Variants in ABHD17A observed in about 807,000 individuals in gnomAD.
ABHD17A encodes alpha/beta hydrolase domain-containing protein 17A.
ABHD17A carries 10 observed loss-of-function variants against 26.8 expected under a neutral mutation model. The ratio of observed to expected loss-of-function variants is 0.37; its 90% CI spans 0.23 to 0.63. ABHD17A has a LOEUF of 0.63. Ranked by LOEUF, ABHD17A falls within the 30% of genes least tolerant of loss-of-function variation. The probability of loss-of-function intolerance (pLI) is 0.61; values close to 1 mark genes in which losing one functional copy is unlikely to be tolerated. For synonymous variants in ABHD17A, 167 were observed against 210.9 expected, an observed-to-expected ratio of 0.79 and a Z score of 1.80; for missense variants, 292 against 457.3, an observed-to-expected ratio of 0.64 and a Z score of 3.30.
intron 1 of ABHD17A, chr19:1,883,145 C>G (rs1277556443): frequency 6.6e-6 from 1 of 152,252 alleles, no homozygotes; most frequent in Non-Finnish European, 1.5e-5. Flanking sequence ...ATCCCAGTGC[C>G]CCCAGACTCC....
chr19:1,880,757 C>T lies in ABHD17A; in HGVS notation c.332+478G>A. On this transcript the variant is annotated intron_variant, in intron 2 of 4. Coordinates refer to ENST00000292577, the MANE Select transcript of ABHD17A (RefSeq NM_001130111.2). This position sits in a 1 kb window ranked among gnomAD's most constrained non-coding sequence, Gnocchi z 4.1. ...GCCTGTCTGCTTCCCAGCACGGGAGCTGCCCCAGGTGGTGCCAGGAGCAGG... is the reference window on the plus strand; with the variant it reads ...GCCTGTCTGCTTCCCAGCACGGGAGTTGCCCCAGGTGGTGCCAGGAGCAGG... 3 of 1,269,032 alleles carry T rather than the reference C, an allele frequency of 2.4e-6. No individual in the cohort carries two copies. Among genetic ancestry groups the T allele is most frequent in the South Asian group, 1.5e-5 (1 of 68,210 alleles). 78.6% of individuals were successfully genotyped at this position (1,269,032 alleles called of 1,614,324 possible).
In ABHD17A at chr19:1,882,041, T is replaced by C. The variant is rs568085357; in HGVS notation, c.-238-237A>G. ...ACCCCCACCTTCCCTGAGCTGGCGATCACCACCTCTTGCCATGTGAGTACA... is the reference window on the plus strand; with the variant it reads ...ACCCCCACCTTCCCTGAGCTGGCGACCACCACCTCTTGCCATGTGAGTACA... On this transcript the variant is annotated intron_variant, in intron 1 of 4. Transcript: ENST00000292577. The C allele has an allele frequency of 5.6e-5, 9 of 159,676 alleles. No individual in the cohort carries two copies. The East Asian group carries it at 1.5e-3, about 27-fold the overall frequency. 9.9% of individuals were successfully genotyped at this position (159,676 alleles called of 1,614,324 possible). A position where few individuals can be genotyped will look rare whatever the true frequency, so the allele number is the denominator to read the frequency against.
intron 2 of ABHD17A, 166 bp downstream of exon 2, chr19:1,881,068 GA>G: frequency 1.3e-6 from 2 of 1,597,314 alleles, no homozygotes; most frequent in Non-Finnish European, 1.7e-6. Flanking sequence ...AAAATTGCCA[GA>G]GGGACGAGGC....
rs200474061 is a variant in ABHD17A at position 1,881,302 on chromosome 19, A to T, written c.265T>A (p.Phe89Ile). Residue 89 changes from phenylalanine (F) to isoleucine (I), a missense_variant, in exon 2 of 5, where the codon TTC becomes ATC. Phe to Ile is a conservative substitution (Grantham distance 21, BLOSUM62 0). Transcript: ENST00000292577. ...TTGCCGCGGGCGCTCTTGGTGGGGA[A>T]GACCTCGATGGTGTCCAGCTCGCGC... ...SQRELDTIEV[F>I]PTKSARGNRV... is the part of the protein sequence containing the mutation. 1.2e-6 allele frequency: 2 copies of T among 1,610,950 alleles called. No homozygotes were observed. The highest frequency in any genetic ancestry group is 3.3e-5 in the Admixed American group (2 of 60,012).
chr19:1,885,120 G>A lies in ABHD17A; in HGVS notation c.-239+232C>T, dbSNP rs2012643327. 2.0e-5 allele frequency among the ~76,000 whole-genome samples: 3 copies of A among 152,212 alleles called. 1 individual carries two copies. Among genetic ancestry groups the A allele is most frequent in the African/African-American group, 4.8e-5 (2 of 41,456 alleles). On this transcript the variant is annotated intron_variant, in intron 1 of 4. Transcript: ENST00000292577. Reference sequence around the variant, plus strand: ...CCGAAGGCAAGGGCCGCGTCCGCAGGAGGGTGGGAGCGCAACCCACGCCGG... The same window carrying A: ...CCGAAGGCAAGGGCCGCGTCCGCAGAAGGGTGGGAGCGCAACCCACGCCGG...
In ABHD17A at chr19:1,880,841, C is replaced by T. The variant is rs1404077128; in HGVS notation, c.332+394G>A. On this transcript the variant is annotated intron_variant, in intron 2 of 4. Transcript: ENST00000292577. This position sits in a 1 kb window ranked among gnomAD's most constrained non-coding sequence, Gnocchi z 4.1. Reference sequence around the variant, plus strand: ...CCAGTTCCCCCAGGCCCCCACCTAGCCCAGCCAGAAGGTAAAGGCTCGCCC... The same window carrying T: ...CCAGTTCCCCCAGGCCCCCACCTAGTCCAGCCAGAAGGTAAAGGCTCGCCC... 7.5e-6 allele frequency: 12 copies of T among 1,605,068 alleles called. No individual in the cohort carries two copies. Among genetic ancestry groups the T allele is most frequent in the Admixed American group, 6.7e-5 (4 of 59,320 alleles).
At position 1,879,858 on chromosome 19, in the gene ABHD17A, G is replaced by A. The variant is rs368696448; in HGVS notation, c.527+63C>T. On this transcript the variant is annotated intron_variant, in intron 3 of 4. Transcript: ENST00000292577. The surrounding 1 kb of genome is among the most constrained non-coding windows in gnomAD (Gnocchi z 7.6). ...TTCCTCCCAGGGAAGCCCGCCCCCC[G>A]GCCCCCCGCCTGGTCCCCTCTTGGG... is the stretch of plus-strand genomic sequence containing the variant. 8.1e-3 allele frequency: 12,058 copies of A among 1,483,340 alleles called. 61 individuals are homozygous for A. Among genetic ancestry groups the A allele is most frequent in the South Asian group, 0.015 (1,264 of 82,628 alleles). 91.9% of individuals were successfully genotyped at this position (1,483,340 alleles called of 1,614,324 possible).
At chr19:1,882,190 TC>T (rs2012560180) in intron 1 of ABHD17A, 1 of 152,114 alleles carries the variant, frequency 6.6e-6, no homozygotes, top group Non-Finnish European at 1.5e-5. Context: ...GCCCACTCCC[TC>T]CCCCGGCCCA....
rs2012376674 is a variant in ABHD17A, at chr19:1,877,079, G to A, written c.*121C>T. 2.7e-6 allele frequency: 2 copies of A among 732,398 alleles called. No individual in the cohort carries two copies. Among genetic ancestry groups the A allele is most frequent in the Admixed American group, 2.8e-5 (1 of 35,416 alleles). The allele number at this position is 732,398 out of a possible 1,614,324, so 45.4% of individuals were successfully genotyped here. ...GCCTGTACATCGTCCACAGCCCCTG[G>A]GTCGGGGCGGGGTCCCCTGGGCCGC... On this transcript the variant is annotated 3_prime_UTR_variant, in exon 5 of 5. Coordinates refer to ENST00000292577, the MANE Select transcript of ABHD17A (RefSeq NM_001130111.2).
chr19:1,880,869 T>G lies in ABHD17A; in HGVS notation c.332+366A>C. 1 of 1,612,536 alleles carries G rather than the reference T, an allele frequency of 6.2e-7. No homozygotes were observed. On this transcript the variant is annotated intron_variant, in intron 2 of 4. Coordinates refer to ENST00000292577, the MANE Select transcript of ABHD17A (RefSeq NM_001130111.2). The surrounding 1 kb of genome is among the most constrained non-coding windows in gnomAD (Gnocchi z 4.1). ...AGCCAGAAGGTAAAGGCTCGCCCTC[T>G]GGACTCAGATCTGGTCAGAACCCCA...
At chr19:1,884,361 G>C (rs1413743583) in intron 1 of ABHD17A, among the ~76,000 whole-genome samples, 3 of 152,144 alleles carry the variant, frequency 2.0e-5, no homozygotes, top group African/African-American at 4.8e-5. Context: ...AACCTCCCTA[G>C]TGTCACTAAT....
In ABHD17A at chr19:1,880,132, A is replaced by C; in HGVS notation, c.333-17T>G. The C allele has an allele frequency of 6.2e-7, 1 of 1,612,304 alleles. No individual in the cohort carries two copies. The highest frequency in any genetic ancestry group is 8.5e-7 in the Non-Finnish European group (1 of 1,179,722). On this transcript the variant is annotated splice_polypyrimidine_tract_variant and intron_variant, in intron 2 of 4. Transcript: ENST00000292577. This position sits in a 1 kb window ranked among gnomAD's most constrained non-coding sequence, Gnocchi z 4.1. The stretch of plus-strand genomic sequence containing the variant: ...ACCGTGTACCTGGGACAGGCCGAGA[A>C]GGGCCGTTCACATCCTCGCTCCCAG...
In ABHD17A at chr19:1,881,713, G is replaced by C. The variant is rs1568744295; in HGVS notation, c.-147C>G. ...AGCTACCGCCCCAGACAGCAGCCCC[G>C]TTAGGAGGCCAGGGCCCAGCCCCAT... On this transcript the variant is annotated 5_prime_UTR_variant, in exon 2 of 5. Transcript: ENST00000292577. The C allele has an allele frequency of 5.0e-6, 6 of 1,190,690 alleles. No individual in the cohort carries two copies. In the East Asian group the frequency reaches 1.2e-4, roughly 25 times the overall value. 73.8% of individuals were successfully genotyped at this position (1,190,690 alleles called of 1,614,324 possible).
chr19:1,877,024 T>C lies in ABHD17A; in HGVS notation c.*176A>G, dbSNP rs541571053. On this transcript the variant is annotated 3_prime_UTR_variant, in exon 5 of 5. Coordinates refer to ENST00000292577, the MANE Select transcript of ABHD17A (RefSeq NM_001130111.2). Reference sequence around the variant, plus strand: ...CGTTTTCACGTATTTTCTTCTTGCTTCCAAAAGGAAAGGAGTGCGTAGCTC... The same window carrying C: ...CGTTTTCACGTATTTTCTTCTTGCTCCCAAAAGGAAAGGAGTGCGTAGCTC... The C allele has an allele frequency of 5.9e-3, 3,446 of 582,958 alleles. 11 individuals are homozygous for C. Among genetic ancestry groups the C allele is most frequent in the Non-Finnish European group, 7.3e-3 (2,408 of 328,244 alleles). 36.1% of individuals were successfully genotyped at this position (582,958 alleles called of 1,614,324 possible).
chr19:1,877,084 G>A lies in ABHD17A; in HGVS notation c.*116C>T, dbSNP rs2012377057. ...TACATCGTCCACAGCCCCTGGGTCG[G>A]GGCGGGGTCCCCTGGGCCGCCCGGG... On this transcript the variant is annotated 3_prime_UTR_variant, in exon 5 of 5. Transcript: ENST00000292577. 9.4e-6 allele frequency: 8 copies of A among 849,518 alleles called. No individual in the cohort carries two copies. The South Asian group carries it at 1.4e-4, about 15-fold the overall frequency. 52.6% of individuals were successfully genotyped at this position (849,518 alleles called of 1,614,324 possible).
At position 1,880,757 on chromosome 19, in the gene ABHD17A, C is replaced by G; in HGVS notation, c.332+478G>C. The G allele has an allele frequency of 7.9e-7, 1 of 1,269,034 alleles. No homozygotes were observed. Among genetic ancestry groups the G allele is most frequent in the Non-Finnish European group, 1.1e-6 (1 of 924,504 alleles). The allele number at this position is 1,269,034 out of a possible 1,614,324, so 78.6% of individuals were successfully genotyped here. Reference sequence around the variant, plus strand: ...GCCTGTCTGCTTCCCAGCACGGGAGCTGCCCCAGGTGGTGCCAGGAGCAGG... The same window carrying G: ...GCCTGTCTGCTTCCCAGCACGGGAGGTGCCCCAGGTGGTGCCAGGAGCAGG... On this transcript the variant is annotated intron_variant, in intron 2 of 4. Transcript: ENST00000292577. The surrounding 1 kb of genome is among the most constrained non-coding windows in gnomAD (Gnocchi z 4.1).
intron 2 of ABHD17A, 129 bp downstream of exon 2, chr19:1,881,106 C>G: frequency 6.4e-7 from 1 of 1,570,804 alleles, no homozygotes; most frequent in Non-Finnish European, 8.6e-7. Flanking sequence ...ACCACCCTTG[C>G]TGGCTGGATG....
At chr19:1,881,843 G>A (rs2012547950) in intron 1 of ABHD17A, 39 bp from the exon 2 acceptor site, 1 of 403,822 alleles carries the variant, frequency 2.5e-6, no homozygotes, top group Non-Finnish European at 4.3e-6. Flanking sequence ...CTTTGGGGGT[G>A]CCACAGTCCA....
intron 3 of ABHD17A, 120 bp from the exon 4 acceptor site, chr19:1,877,807 AG>A (rs2012412940): frequency 1.1e-6 from 1 of 899,264 alleles, no homozygotes; most frequent in Admixed American, 2.6e-5. Context: ...CAGCCAAGTC[AG>A]TGGGTCAGGC....
Sources: allele counts gnomAD v4.1 joint callset (sites outside exome capture counted in the v4.1 genomes callset), GRCh38; gene constraint gnomAD v4.1.1; non-coding constraint Gnocchi (gnomAD v3.1); transcripts MANE v1.5; gene names NCBI Gene and HGNC (gene_info 2026-07-23, HGNC 2026-07-21).